MUC5AC: variants seen among roughly 807,000 people sequenced by gnomAD.
MUC5AC encodes the protein mucin-5AC.
A neutral mutation model predicts 169.7 loss-of-function variants in MUC5AC; 158 were observed. The ratio of observed to expected loss-of-function variants is 0.93; its 90% CI spans 0.82 to 1.06. MUC5AC has a LOEUF of 1.06. Ranked by LOEUF, MUC5AC falls within the 50% of genes least tolerant of loss-of-function variation. The pLI, the probability that MUC5AC is intolerant of heterozygous loss-of-function variation, is 0.00. For missense variants in MUC5AC, 4,359 were observed against 3,089.9 expected, an observed-to-expected ratio of 1.41 and a Z score of -9.74; for synonymous variants, 1,975 against 1,237.0, an observed-to-expected ratio of 1.60 and a Z score of -12.52.
chr11:1,172,862 CCACT>C (rs1345159169), intron 16 of MUC5AC, among the ~76,000 whole-genome samples: 1 of 137,990 alleles, frequency 7.2e-6, no homozygotes, highest in African/African-American at 2.7e-5. Flanking sequence ...ACCCATTCAC[CCACT>C]CACTCACCCA....
chr11:1,170,132 C>T (rs1294970925), intron 15 of MUC5AC, among the ~76,000 whole-genome samples: 3 of 87,888 alleles, frequency 3.4e-5, no homozygotes, highest in Admixed American at 1.0e-4. Context: ...CCCATTCACT[C>T]ACTCACCCAC....
chr11:1,169,873 C>T, intron 15 of MUC5AC, among the ~76,000 whole-genome samples: 1 of 138,774 alleles, frequency 7.2e-6, no homozygotes, highest in South Asian at 2.5e-4. Context: ...CACCCACTCA[C>T]CCACTCACTC....
At chr11:1,174,799 C>G in intron 17 of MUC5AC, 83 bp from the exon 18 acceptor site, 1 of 453,714 alleles carries the variant, frequency 2.2e-6, no homozygotes, top group Non-Finnish European at 3.9e-6. Flanking sequence ...GGAGGGTAGC[C>G]GAGAGGGCTG....
At chr11:1,196,135 C>T (rs1431861108) in intron 37 of MUC5AC, 81 bp downstream of exon 37, 12 of 655,168 alleles carry the variant, frequency 1.8e-5, no homozygotes, top group Non-Finnish European at 2.8e-5. Flanking sequence ...AGGGTGGGCT[C>T]GGGCAGTCAG....
At position 1,184,486 on chromosome 11, in the gene MUC5AC, G is replaced by C. The variant is rs1406068024; in HGVS notation, c.6341G>C (p.Arg2114Thr). The change falls in exon 31 of 49, where the codon AGA (arginine) becomes ACA (threonine). Residue 2114 changes from arginine to threonine, a missense_variant. Transcript: ENST00000621226. The part of the protein sequence containing the change: ...TQGTHTTPVT[R>T]NCHPRCTWTT... ...GGCACCCACACCACACCAGTCACCAGAAACTGTCATCCCCGGTGCACCTGG... is the reference window on the plus strand; with the variant it reads ...GGCACCCACACCACACCAGTCACCACAAACTGTCATCCCCGGTGCACCTGG... The C allele has an allele frequency of 3.1e-6, 2 of 647,020 alleles. No individual in the cohort carries two copies. Among genetic ancestry groups the C allele is most frequent in the African/African-American group, 3.6e-5 (2 of 55,550 alleles). 40.1% of individuals were successfully genotyped at this position (647,020 alleles called of 1,614,324 possible).
chr11:1,187,557 A>G lies in MUC5AC; in HGVS notation c.9412A>G (p.Thr3138Ala), dbSNP rs1554928273. 6.0e-5 allele frequency: 45 copies of G among 753,002 alleles called. No individual in the cohort carries two copies. The East Asian group carries it at 1.1e-3, about 18-fold the overall frequency. The allele number at this position is 753,002 out of a possible 1,614,324, so 46.6% of individuals were successfully genotyped here. The change falls in exon 31 of 49, where the codon ACC becomes GCC. Residue 3138 changes from threonine (T) to alanine (A), a missense_variant. Thr to Ala is a moderately conservative substitution (Grantham distance 58). Transcript: ENST00000621226. ...CACCAGCACAACCTCTCCTCCTACA[A>G]CCAGCACAACTTCTGCCTCTACAGC... ...PTTSTTSPPT[T>A]STTSASTASK...
rs1425589567 is a variant in MUC5AC, at chr11:1,165,617, C to T, written c.1248-5C>T. 4 of 1,611,636 alleles carry T rather than the reference C, an allele frequency of 2.5e-6. No homozygotes were observed. Among genetic ancestry groups the T allele is most frequent in the Non-Finnish European group, 3.4e-6 (4 of 1,179,706 alleles). Reference sequence around the variant, plus strand: ...CACCCACGTGGCACCATCTCTTGCTCTCAGCACCTGCTCCGGAGGCCGGTG... The same window carrying T: ...CACCCACGTGGCACCATCTCTTGCTTTCAGCACCTGCTCCGGAGGCCGGTG... On this transcript the variant is annotated splice_region_variant and splice_polypyrimidine_tract_variant and intron_variant, in intron 10 of 48. Coordinates refer to ENST00000621226, the MANE Select transcript of MUC5AC (RefSeq NM_001304359.2).
rs778962193 is a variant in MUC5AC, at chr11:1,199,181, T to C, written c.16391T>C (p.Phe5464Ser). ...ACCAGCAAGAGCCCCGCCCACCTCT[T>C]CTACGTGAGTAGTGGCTGCCACAAA... ...TNTSKSPAHL[F>S]YPGETWSDAG... The change falls in exon 45 of 49, where the codon TTC (phenylalanine) becomes TCC (serine). Residue 5464 changes from phenylalanine to serine, a missense_variant. Coordinates refer to ENST00000621226, the MANE Select transcript of MUC5AC (RefSeq NM_001304359.2). 1 of 761,732 alleles carries C rather than the reference T, an allele frequency of 1.3e-6. No individual in the cohort carries two copies. 47.2% of individuals were successfully genotyped at this position (761,732 alleles called of 1,614,324 possible). A position where few individuals can be genotyped will look rare whatever the true frequency, so the allele number is the denominator to read the frequency against.
At position 1,181,121 on chromosome 11, in the gene MUC5AC, C is replaced by T. The variant is rs934497801; in HGVS notation, c.3777-18C>T. On this transcript the variant is annotated intron_variant, in intron 28 of 48. Coordinates refer to ENST00000621226, the MANE Select transcript of MUC5AC (RefSeq NM_001304359.2). The stretch of plus-strand genomic sequence containing the variant: ...GGCCGCCCCCACGCATCGGCCTGCC[C>T]TTCTTCCTTGTCTCCAGCCTTTGTA... 3.2e-3 allele frequency: 1,277 copies of T among 398,564 alleles called. 17 individuals are homozygous for T. Among genetic ancestry groups the T allele is most frequent in the African/African-American group, 0.023 (1,142 of 48,742 alleles). The allele number at this position is 398,564 out of a possible 1,614,324, so 24.7% of individuals were successfully genotyped here.
At position 1,187,764 on chromosome 11, in the gene MUC5AC, G is replaced by C; in HGVS notation, c.9619G>C (p.Val3207Leu). Residue 3207 changes from valine (V) to leucine (L), a missense_variant, in exon 31 of 49, where the codon GTT (valine) becomes CTT (leucine). Val to Leu is a conservative substitution (Grantham distance 32, BLOSUM62 1). Coordinates refer to ENST00000621226, the MANE Select transcript of MUC5AC (RefSeq NM_001304359.2). ...ASVSKTSTSH[V>L]SISKTTHSQP... ...TGTTTCAAAGACCAGCACAAGCCATGTTTCCATATCCAAGACAACCCACTC... is the reference window on the plus strand; with the variant it reads ...TGTTTCAAAGACCAGCACAAGCCATCTTTCCATATCCAAGACAACCCACTC... 1.3e-6 allele frequency: 1 copy of C among 765,170 alleles called. No homozygotes were observed. Among genetic ancestry groups the C allele is most frequent in the East Asian group, 2.4e-5 (1 of 41,248 alleles). 47.4% of individuals were successfully genotyped at this position (765,170 alleles called of 1,614,324 possible).
chr11:1,200,000 C>T (rs760451230), intron 48 of MUC5AC, 31 bp downstream of exon 48: 81 of 727,942 alleles, frequency 1.1e-4, no homozygotes, highest in Admixed American at 2.8e-4. Context: ...CAGGGAGACG[C>T]GATTGGCTGT....
In MUC5AC at chr11:1,188,456, C is replaced by T. The variant is rs1861007127; in HGVS notation, c.10311C>T (p.Ser3437=). ...TTSIISAPTT[S]TTSSPTTSTT... ...GCATAATCTCTGCCCCTACAACCAGCACAACCTCTTCCCCTACAACCAGCA... is the reference window on the plus strand; with the variant it reads ...GCATAATCTCTGCCCCTACAACCAGTACAACCTCTTCCCCTACAACCAGCA... Residue 3437 remains serine (S), a synonymous_variant, in exon 31 of 49, where the codon AGC becomes AGT. Transcript: ENST00000621226. 2 of 644,424 alleles carry T rather than the reference C, an allele frequency of 3.1e-6. No individual in the cohort carries two copies. Among genetic ancestry groups the T allele is most frequent in the Admixed American group, 4.2e-5 (2 of 47,464 alleles). The allele number at this position is 644,424 out of a possible 1,614,324, so 39.9% of individuals were successfully genotyped here.
At position 1,188,642 on chromosome 11, in the gene MUC5AC, G is replaced by C; in HGVS notation, c.10497G>C (p.Lys3499Asn). The C allele has an allele frequency of 1.3e-6, 1 of 764,962 alleles. No individual in the cohort carries two copies. Among genetic ancestry groups the C allele is most frequent in the Non-Finnish European group, 2.4e-6 (1 of 417,812 alleles). The allele number at this position is 764,962 out of a possible 1,614,324, so 47.4% of individuals were successfully genotyped here. A position where few individuals can be genotyped will look rare whatever the true frequency, so the allele number is the denominator to read the frequency against. The change falls in exon 31 of 49, where the codon AAG (lysine) becomes AAC (asparagine). Residue 3499 changes from lysine (K) to asparagine (N), a missense_variant. Physicochemically the swap from Lys to Asn is moderately conservative, Grantham distance 94 (BLOSUM62 0). Coordinates refer to ENST00000621226, the MANE Select transcript of MUC5AC (RefSeq NM_001304359.2). The part of the protein sequence containing the change: ...VTTTSTASVS[K>N]TSTSHVSVSK... Reference sequence around the variant, plus strand: ...CCACCAGCACAGCCTCTGTTTCAAAGACCAGCACAAGCCATGTTTCTGTAT... The same window carrying C: ...CCACCAGCACAGCCTCTGTTTCAAACACCAGCACAAGCCATGTTTCTGTAT...
chr11:1,187,927 G>T lies in MUC5AC; in HGVS notation c.9782G>T (p.Arg3261Leu). Residue 3261 changes from arginine (R) to leucine (L), a missense_variant, in exon 31 of 49, where the codon CGC becomes CTC. Arg to Leu is a moderately radical substitution (Grantham distance 102). Coordinates refer to ENST00000621226, the MANE Select transcript of MUC5AC (RefSeq NM_001304359.2). ...NIIRSGEKICRRPEEITRLQC... is the reference protein window; with the variant it reads ...NIIRSGEKICLRPEEITRLQC... The stretch of plus-strand genomic sequence containing the variant: ...ATCAGGAGTGGGGAAAAAATCTGCC[G>T]CCGACCTGAGGAGATCACCAGGCTC... 2.7e-6 allele frequency: 2 copies of T among 746,996 alleles called. No individual in the cohort carries two copies. 46.3% of individuals were successfully genotyped at this position (746,996 alleles called of 1,614,324 possible). A position where few individuals can be genotyped will look rare whatever the true frequency, so the allele number is the denominator to read the frequency against.
In MUC5AC at chr11:1,192,460, C is replaced by G. The variant is rs764309874; in HGVS notation, c.14315C>G (p.Ser4772Cys). 1.3e-6 allele frequency: 1 copy of G among 765,112 alleles called. No individual in the cohort carries two copies. The allele number at this position is 765,112 out of a possible 1,614,324, so 47.4% of individuals were successfully genotyped here. ...STSVASSSVA[S>C]SSVAYSTQTC... Reference sequence around the variant, plus strand: ...TCTGTGGCATCCAGCTCTGTGGCATCCAGCTCTGTGGCTTACTCCACCCAA... The same window carrying G: ...TCTGTGGCATCCAGCTCTGTGGCATGCAGCTCTGTGGCTTACTCCACCCAA... Residue 4772 changes from serine to cysteine, a missense_variant, in exon 31 of 49, where the codon TCC becomes TGC. Transcript: ENST00000621226.
rs1860779116 is a variant in MUC5AC at position 1,180,059 on chromosome 11, C to T, written c.3522C>T (p.Cys1174=). Residue 1174 remains cysteine, a synonymous_variant, in exon 27 of 49, where the codon TGC becomes TGT. Transcript: ENST00000621226. The part of the protein sequence containing the change: ...FCDYYNPEGQ[C]EWHYQPCGVP... Reference sequence around the variant, plus strand: ...ACTACTACAACCCCGAAGGCCAGTGCGAGTGGCACTACCAGCCCTGCGGGG... The same window carrying T: ...ACTACTACAACCCCGAAGGCCAGTGTGAGTGGCACTACCAGCCCTGCGGGG... The T allele has an allele frequency of 1.3e-5, 5 of 399,020 alleles. No individual in the cohort carries two copies. The highest frequency in any genetic ancestry group is 1.3e-4 in the South Asian group (1 of 7,872). 24.7% of individuals were successfully genotyped at this position (399,020 alleles called of 1,614,324 possible). A position where few individuals can be genotyped will look rare whatever the true frequency, so the allele number is the denominator to read the frequency against.
intron 1 of MUC5AC, among the ~76,000 whole-genome samples, chr11:1,158,639 C>G (rs1204304715): frequency 1.3e-5 from 2 of 152,224 alleles, no homozygotes; most frequent in African/African-American, 4.8e-5. Context: ...GTCCTGTGGT[C>G]TGGACTGCCC....
chr11:1,169,068 G>A (rs1459648034), intron 15 of MUC5AC, 42 bp downstream of exon 15: 2 of 1,506,166 alleles, frequency 1.3e-6, no homozygotes, highest in Non-Finnish European at 1.8e-6. Context: ...GCCGCCTGGC[G>A]CTGGTTCACC....
intron 16 of MUC5AC, 49 bp from the exon 17 acceptor site, chr11:1,174,447 C>A: frequency 8.4e-7 from 1 of 1,185,184 alleles, no homozygotes; most frequent in Non-Finnish European, 1.2e-6. Context: ...GGGGGGCCAC[C>A]AGGTGTGGGC....
Sources: gnomAD v4.1 joint callset for allele counts (sites outside exome capture counted in the v4.1 genomes callset) on GRCh38, gnomAD v4.1.1 for gene constraint, MANE v1.5 for transcripts, NCBI Gene and HGNC (gene_info 2026-07-23, HGNC 2026-07-21) for gene names.